GRIK4: variants seen among roughly 807,000 people sequenced by gnomAD.
The protein encoded by GRIK4 is glutamate receptor ionotropic, kainate 4.
A neutral mutation model predicts 104.9 loss-of-function variants in GRIK4; 40 were observed. That is an observed-to-expected ratio of 0.38 (90% CI 0.30 to 0.50). The LOEUF is 0.50. GRIK4 is among the 20% of genes least tolerant of loss of function. The pLI is 0.93. For synonymous variants in GRIK4, 485 were observed against 524.9 expected, an observed-to-expected ratio of 0.92 and a Z score of 1.04; for missense variants, 1,047 against 1,308.1, an observed-to-expected ratio of 0.80 and a Z score of 3.08.
intron 13 of GRIK4, among the ~76,000 whole-genome samples, chr11:120,908,809 A>T (rs1233962313): frequency 6.6e-6 from 1 of 152,198 alleles, no homozygotes; most frequent in Non-Finnish European, 1.5e-5. Context: ...TCACCTCCCC[A>T]ACACTTCTAG....
In GRIK4 at chr11:120,823,437, A is replaced by C. The variant is rs190043463; in HGVS notation, c.511+3517A>C. On this transcript the variant is annotated intron_variant, in intron 6 of 20. Transcript: ENST00000527524. ...AGATGGCAAAGCACTTTCACTTAAC[A>C]TTTCTCCATTTTACCTCCCTCCTCC... Among the ~76,000 whole-genome samples the C allele has an allele frequency of 1.7e-3, 253 of 152,216 alleles. 2 individuals carry two copies. Among genetic ancestry groups the C allele is most frequent in the Admixed American group, 2.7e-3 (42 of 15,310 alleles).
rs145726701 is a variant in GRIK4 at position 120,769,274 on chromosome 11, T to A, written c.83-33419T>A. Among the ~76,000 whole-genome samples, 10 of 152,288 alleles carry A rather than the reference T, an allele frequency of 6.6e-5. 2 individuals are homozygous for A. Among genetic ancestry groups the A allele is most frequent in the African/African-American group, 2.4e-4 (10 of 41,578 alleles). On this transcript the variant is annotated intron_variant, in intron 3 of 20. Transcript: ENST00000527524. Reference sequence around the variant, plus strand: ...TGATTCAATCTTGGTAGGTTACATTTTTCTAGGAATTTTTTCATTTCCTCT... The same window carrying A: ...TGATTCAATCTTGGTAGGTTACATTATTCTAGGAATTTTTTCATTTCCTCT...
chr11:120,781,503 A>G (rs1470849174), intron 3 of GRIK4, among the ~76,000 whole-genome samples: 5 of 152,146 alleles, frequency 3.3e-5, no homozygotes, highest in African/African-American at 1.2e-4. Flanking sequence ...GGCAAGTGCC[A>G]CCATGCCCAG....
chr11:120,939,707 C>T lies in GRIK4; in HGVS notation c.1477-640C>T, dbSNP rs185789497. 4.6e-5 allele frequency among the ~76,000 whole-genome samples: 7 copies of T among 152,298 alleles called. No homozygotes were observed. In the East Asian group the frequency reaches 9.6e-4, roughly 21 times the overall value. The stretch of plus-strand genomic sequence containing the variant: ...TACTCAATATTGAGAATGGGCCAGG[C>T]GCGGTGGCTCATGCCTATAATCCCA... On this transcript the variant is annotated intron_variant, in intron 13 of 20. Coordinates refer to ENST00000527524, the MANE Select transcript of GRIK4 (RefSeq NM_014619.5). The surrounding 1 kb of genome is among the most constrained non-coding windows in gnomAD (Gnocchi z 5.6).
intron 6 of GRIK4, among the ~76,000 whole-genome samples, chr11:120,822,347 A>G (rs1053716849): frequency 3.9e-5 from 6 of 152,152 alleles, no homozygotes; most frequent in African/African-American, 1.4e-4. Flanking sequence ...CTAGAGAAGA[A>G]GAAAGGGAGG....
intron 1 of GRIK4, among the ~76,000 whole-genome samples, chr11:120,585,921 A>G (rs1249791938): frequency 2.6e-5 from 4 of 152,128 alleles, no homozygotes; most frequent in Admixed American, 6.5e-5. Flanking sequence ...CATTTCTAAG[A>G]TGGGAGGGTC....
chr11:120,898,529 C>T lies in GRIK4; in HGVS notation c.1165-3C>T. 6.4e-7 allele frequency: 1 copy of T among 1,566,454 alleles called. No individual in the cohort carries two copies. The highest frequency in any genetic ancestry group is 1.1e-5 in the South Asian group (1 of 90,148). Reference sequence around the variant, plus strand: ...TCCCAGTCCTCTCCGTTGGTCTCCTCAGATCGGCCAGTGGCACGTGGCAGA... The same window carrying T: ...TCCCAGTCCTCTCCGTTGGTCTCCTTAGATCGGCCAGTGGCACGTGGCAGA... On this transcript the variant is annotated splice_polypyrimidine_tract_variant and splice_region_variant and intron_variant, in intron 11 of 20. Coordinates refer to ENST00000527524, the MANE Select transcript of GRIK4 (RefSeq NM_014619.5).
At chr11:120,733,875 T>C (rs1204332132) in intron 3 of GRIK4, among the ~76,000 whole-genome samples, 1 of 151,918 alleles carries the variant, frequency 6.6e-6, no homozygotes, top group East Asian at 1.9e-4. Flanking sequence ...GTAGCTGGGA[T>C]TACAGGCACC....
At chr11:120,547,328 GGAT>G (rs1178343699) in intron 1 of GRIK4, among the ~76,000 whole-genome samples, 1 of 152,254 alleles carries the variant, frequency 6.6e-6, no homozygotes, top group Non-Finnish European at 1.5e-5. Flanking sequence ...GGGCATCTGT[GGAT>G]GTCTCGCCCC....
At chr11:120,550,982 T>C (rs1948133980) in intron 1 of GRIK4, among the ~76,000 whole-genome samples, 1 of 152,086 alleles carries the variant, frequency 6.6e-6, no homozygotes, top group East Asian at 1.9e-4. Flanking sequence ...GTGAAGGGCA[T>C]GATCTAATGT....
intron 3 of GRIK4, among the ~76,000 whole-genome samples, chr11:120,784,375 G>A (rs547034684): frequency 6.6e-6 from 1 of 152,236 alleles, no homozygotes; most frequent in Admixed American, 6.5e-5. Context: ...CGAAGTAATG[G>A]CCCTCCAGAT....
At chr11:120,826,620 G>A (rs753132287) in intron 6 of GRIK4, among the ~76,000 whole-genome samples, 3 of 152,178 alleles carry the variant, frequency 2.0e-5, no homozygotes, top group Admixed American at 6.5e-5. Flanking sequence ...CACAGAGGCC[G>A]GGGTCTTCCG....
At chr11:120,718,150 G>A (rs1274688554) in intron 3 of GRIK4, among the ~76,000 whole-genome samples, 1 of 152,078 alleles carries the variant, frequency 6.6e-6, no homozygotes, top group Non-Finnish European at 1.5e-5. Flanking sequence ...CTCTCTTCCA[G>A]GGTGTTCCTC....
chr11:120,936,541 C>T, intron 13 of GRIK4: 1 of 169,400 alleles, frequency 5.9e-6, no homozygotes, highest in South Asian at 1.5e-4. Flanking sequence ...GAAAACTTGG[C>T]AAAGCTGACT....
chr11:120,618,800 A>AACT (rs1949147417), intron 1 of GRIK4, among the ~76,000 whole-genome samples: 1 of 152,222 alleles, frequency 6.6e-6, no homozygotes, highest in Admixed American at 6.5e-5. Context: ...GCAAGAGTTG[A>AACT]GGCTTGGGAA....
At chr11:120,954,829 AC>A (rs1944102826) in intron 15 of GRIK4, among the ~76,000 whole-genome samples, 8 of 3,736 alleles carry the variant, frequency 2.1e-3, no homozygotes, top group Non-Finnish European at 3.5e-3. Flanking sequence ...ACACACACAC[AC>A]AAACAATACT....
At chr11:120,559,832 G>A (rs574457205) in intron 1 of GRIK4, among the ~76,000 whole-genome samples, 4 of 152,158 alleles carry the variant, frequency 2.6e-5, no homozygotes, top group South Asian at 2.1e-4. Context: ...TGTGTTCTGC[G>A]TTTAATGCAT....
At chr11:120,882,626 G>A (rs995558751) in intron 11 of GRIK4, among the ~76,000 whole-genome samples, 1 of 152,206 alleles carries the variant, frequency 6.6e-6, no homozygotes, top group Non-Finnish European at 1.5e-5. Flanking sequence ...TTTTAATTAA[G>A]GGGAATTGGA....
chr11:120,660,137 G>A lies in GRIK4; in HGVS notation c.-50-132G>A, dbSNP rs1949786140. 1.0e-5 allele frequency: 6 copies of A among 593,996 alleles called. No individual in the cohort carries two copies. In the East Asian group the frequency reaches 1.1e-4, roughly 11 times the overall value. The allele number at this position is 593,996 out of a possible 1,614,324, so 36.8% of individuals were successfully genotyped here. On this transcript the variant is annotated intron_variant, in intron 2 of 20. Transcript: ENST00000527524. ...TCACAGAGCTGAAGTTAGAACCTGA[G>A]CCTTCTTTGAGCCCGGCATGTAAGG...
Sources: gnomAD v4.1 joint callset for allele counts (sites outside exome capture counted in the v4.1 genomes callset) on GRCh38, gnomAD v4.1.1 for gene constraint, Gnocchi (gnomAD v3.1) non-coding constraint, MANE v1.5 for transcripts, NCBI Gene and HGNC (gene_info 2026-07-23, HGNC 2026-07-21) for gene names.